Variants in IL17RD observed in about 807,000 individuals in gnomAD.
The protein encoded by IL17RD is interleukin 17 receptor D.
IL17RD carries 52 observed loss-of-function variants against 80.5 expected under a neutral mutation model. The observed-to-expected ratio is 0.65, with a 90% CI of 0.52 to 0.81. The LOEUF (loss-of-function observed/expected upper bound fraction) is 0.81, where lower values mean the gene tolerates loss of function less well. Ranked by LOEUF, IL17RD falls within the 40% of genes least tolerant of loss-of-function variation. IL17RD has a pLI of 0.00. For missense variants in IL17RD, 1,024 were observed against 955.1 expected (o/e 1.07, Z -0.95); for synonymous variants, 416 against 391.8 (o/e 1.06, Z -0.73).
At chr3:57,142,620 C>G in intron 1 of IL17RD, 2 of 548,818 alleles carry the variant, frequency 3.6e-6, no homozygotes, top group South Asian at 1.8e-5. Context: ...AGGAACTTCT[C>G]TAACTTCCAG....
rs567667139 is a variant in IL17RD, at chr3:57,142,569, G to A, written c.127-22256C>T. The A allele has an allele frequency of 4.0e-4, 483 of 1,208,212 alleles. 1 individual carries two copies. The highest frequency in any genetic ancestry group is 2.8e-3 in the Admixed American group (118 of 42,728). 74.8% of individuals were successfully genotyped at this position (1,208,212 alleles called of 1,614,324 possible). A position where few individuals can be genotyped will look rare whatever the true frequency, so the allele number is the denominator to read the frequency against. ...TCCGGCCTCCTGGCAGGGAGATAGG[G>A]CCTGGCTGACCGCTGTGTTGGTGTC... On this transcript the variant is annotated intron_variant, in intron 1 of 12. Transcript: ENST00000296318.
At chr3:57,146,297 T>G (rs560054045) in intron 1 of IL17RD, among the ~76,000 whole-genome samples, 6 of 152,350 alleles carry the variant, frequency 3.9e-5, no homozygotes, top group East Asian at 1.9e-4. Context: ...CACTCTCTAC[T>G]AAGCGACATT....
chr3:57,153,008 A>C (rs17289049), intron 1 of IL17RD, among the ~76,000 whole-genome samples: 1 of 152,166 alleles, frequency 6.6e-6, no homozygotes, highest in Non-Finnish European at 1.5e-5. Flanking sequence ...TAACTGCAAC[A>C]AGCCCATGTG....
chr3:57,090,759 T>C lies in IL17RD; in HGVS notation c.*5634A>G, dbSNP rs900218823. 6.6e-6 allele frequency: 1 copy of C among 152,216 alleles called. No individual in the cohort carries two copies. Among genetic ancestry groups the C allele is most frequent in the Non-Finnish European group, 1.5e-5 (1 of 68,040 alleles). The allele number at this position is 152,216 out of a possible 1,614,324, so 9.4% of individuals were successfully genotyped here. ...GCACATTAGTGTAATCCAATGGCAA[T>C]TTTTTGTCTAACAATTGGAGCAGCT... On this transcript the variant is annotated 3_prime_UTR_variant, in exon 13 of 13. Transcript: ENST00000296318.
At chr3:57,127,252 AAATATATAT>A (rs1443249211) in intron 1 of IL17RD, among the ~76,000 whole-genome samples, 1 of 103,374 alleles carries the variant, frequency 9.7e-6, no homozygotes, top group African/African-American at 4.8e-5. Context: ...ATATATATAT[AAATATATAT>A]AAATATATAT....
Position 57,096,424 on chromosome 3 carries a change from G to A in IL17RD, c.2189C>T (p.Thr730Ile), listed in dbSNP as rs1246167636. The A allele has an allele frequency of 1.2e-6, 2 of 1,613,758 alleles. No homozygotes were observed. The highest frequency in any genetic ancestry group is 2.2e-5 in the East Asian group (1 of 44,896). The change falls in exon 13 of 13, where the codon ACT (threonine) becomes ATT (isoleucine). Residue 730 changes from threonine to isoleucine, a missense_variant. Thr to Ile is a moderately conservative substitution (Grantham distance 89). Transcript: ENST00000296318. ...CKADLGCRSY[T>I]DELHAVAPL ...AGGGGCGACCGCGTGGAGTTCATCAGTGTAGCTGCGGCAACCAAGATCTGC... is the reference window on the plus strand; with the variant it reads ...AGGGGCGACCGCGTGGAGTTCATCAATGTAGCTGCGGCAACCAAGATCTGC...
intron 5 of IL17RD, among the ~76,000 whole-genome samples, chr3:57,108,473 A>AT (rs1239902224): frequency 2.1e-5 from 2 of 93,544 alleles, no homozygotes; most frequent in Non-Finnish European, 4.3e-5. Flanking sequence ...AGCCAGGCCA[A>AT]TTTTTTTTCT....
In IL17RD at chr3:57,098,217, T is replaced by C; in HGVS notation, c.1486A>G (p.Thr496Ala). The C allele has an allele frequency of 6.2e-7, 1 of 1,613,880 alleles. No individual in the cohort carries two copies. The highest frequency in any genetic ancestry group is 1.1e-5 in the South Asian group (1 of 91,066). ...GDVPGILDLSTKYRLMDNLPQ... is the reference protein window; with the variant it reads ...GDVPGILDLSAKYRLMDNLPQ... ...AGATTGTCCATGAGTCTGTACTTGGTACTCAGGTCTAGGATACCGGGGACG... is the reference window on the plus strand; with the variant it reads ...AGATTGTCCATGAGTCTGTACTTGGCACTCAGGTCTAGGATACCGGGGACG... The change falls in exon 12 of 13, where the codon ACC (threonine) becomes GCC (alanine). Residue 496 changes from threonine to alanine, a missense_variant. By Grantham distance (58) the Thr-to-Ala change is moderately conservative. Coordinates refer to ENST00000296318, the MANE Select transcript of IL17RD (RefSeq NM_017563.5).
chr3:57,101,250 T>G lies in IL17RD; in HGVS notation c.1093A>C (p.Lys365Gln). The G allele has an allele frequency of 6.2e-7, 1 of 1,613,782 alleles. No homozygotes were observed. The highest frequency in any genetic ancestry group is 2.2e-5 in the East Asian group (1 of 44,882). The change falls in exon 11 of 13, where the codon AAA becomes CAA. Residue 365 changes from lysine (K) to glutamine (Q), a missense_variant. Coordinates refer to ENST00000296318, the MANE Select transcript of IL17RD (RefSeq NM_017563.5). ...ACATTCATGTGATTCTGGCCATCTT[T>G]ACTGGAATAGCAGAGAAAGACCTTC... is the stretch of plus-strand genomic sequence containing the variant. ...RPKVFLCYSS[K>Q]DGQNHMNVVQ...
intron 1 of IL17RD, among the ~76,000 whole-genome samples, chr3:57,145,828 T>C (rs150637139): frequency 6.6e-5 from 10 of 152,346 alleles, no homozygotes; most frequent in East Asian, 1.9e-4. Context: ...GCCCTGTCCA[T>C]AGTCACAAGC....
intron 1 of IL17RD, among the ~76,000 whole-genome samples, chr3:57,155,653 C>T (rs951920914): frequency 4.6e-5 from 7 of 152,180 alleles, no homozygotes; most frequent in East Asian, 3.9e-4. Context: ...TACAATGGCA[C>T]GATCTTGGCT....
At chr3:57,145,673 G>A (rs183512912) in intron 1 of IL17RD, among the ~76,000 whole-genome samples, 2 of 152,306 alleles carry the variant, frequency 1.3e-5, no homozygotes, top group African/African-American at 4.8e-5. Flanking sequence ...AGGACACGGA[G>A]TGGGTAGGAC....
chr3:57,164,730 A>T (rs1287355090), intron 1 of IL17RD, among the ~76,000 whole-genome samples: 1 of 152,092 alleles, frequency 6.6e-6, no homozygotes, highest in Non-Finnish European at 1.5e-5. Flanking sequence ...AGGGTTGTGG[A>T]CTGAAAGTCC....
In IL17RD at chr3:57,103,282, G is replaced by A. The variant is rs1706879787; in HGVS notation, c.814-137C>T. On this transcript the variant is annotated intron_variant, in intron 8 of 12. Coordinates refer to ENST00000296318, the MANE Select transcript of IL17RD (RefSeq NM_017563.5). ...GGTGGGAAGCAAGCAGTGGAGAATG[G>A]CTGAGTTTTGGAAAAGAATGGCTGA... 9 of 686,304 alleles carry A rather than the reference G, an allele frequency of 1.3e-5. No individual in the cohort carries two copies. The East Asian group carries it at 2.5e-4, about 19-fold the overall frequency. The allele number at this position is 686,304 out of a possible 1,614,324, so 42.5% of individuals were successfully genotyped here. A position where few individuals can be genotyped will look rare whatever the true frequency, so the allele number is the denominator to read the frequency against.
chr3:57,122,394 A>C (rs1002632244), intron 1 of IL17RD, among the ~76,000 whole-genome samples: 1 of 152,200 alleles, frequency 6.6e-6, no homozygotes, highest in African/African-American at 2.4e-5. Context: ...CGGGCCCTGG[A>C]CTGGTCCTGG....
At chr3:57,152,021 C>T (rs1163665833) in intron 1 of IL17RD, among the ~76,000 whole-genome samples, 1 of 151,966 alleles carries the variant, frequency 6.6e-6, no homozygotes, top group Non-Finnish European at 1.5e-5. Context: ...AGTACTGTGC[C>T]CCCAGTGCCT....
At chr3:57,114,378 C>A (rs1368493355) in intron 3 of IL17RD, among the ~76,000 whole-genome samples, 2 of 152,138 alleles carry the variant, frequency 1.3e-5, no homozygotes, top group African/African-American at 2.4e-5. Context: ...TTTCTTGGCA[C>A]TGCTGCCCTC....
intron 5 of IL17RD, among the ~76,000 whole-genome samples, chr3:57,109,149 G>C (rs1245279632): frequency 6.6e-6 from 1 of 151,990 alleles, no homozygotes; most frequent in Non-Finnish European, 1.5e-5. Context: ...TTGTTTGTTT[G>C]TTTGTTTGTT....
chr3:57,097,800 G>A lies in IL17RD; in HGVS notation c.1903C>T (p.Pro635Ser), dbSNP rs747862670. The A allele has an allele frequency of 2.5e-6, 4 of 1,605,988 alleles. No homozygotes were observed. Among genetic ancestry groups the A allele is most frequent in the African/African-American group, 2.7e-5 (2 of 74,792 alleles). Reference sequence around the variant, plus strand: ...AGGGCGGCGCTACCGTCAAGGGCAGGCCGGGCCTCCCCGTCTTGGTCCAGG... The same window carrying A: ...AGGGCGGCGCTACCGTCAAGGGCAGACCGGGCCTCCCCGTCTTGGTCCAGG... ...GGLDQDGEARPALDGSAALQP... is the reference protein window; with the variant it reads ...GGLDQDGEARSALDGSAALQP... Residue 635 changes from proline to serine, a missense_variant, in exon 12 of 13, where the codon CCT (proline) becomes TCT (serine). Pro to Ser is a moderately conservative substitution (Grantham distance 74). Coordinates refer to ENST00000296318, the MANE Select transcript of IL17RD (RefSeq NM_017563.5).
Sources: gnomAD v4.1 joint callset for allele counts (sites outside exome capture counted in the v4.1 genomes callset) on GRCh38, gnomAD v4.1.1 for gene constraint, MANE v1.5 for transcripts, NCBI Gene and HGNC (gene_info 2026-07-23, HGNC 2026-07-21) for gene names.